The following RGS6 variants were observed in gnomAD, a reference collection of about 807,000 sequenced individuals.
RGS6 encodes the protein regulator of G-protein signaling 6.
RGS6 carries 30 observed loss-of-function variants against 78.5 expected under a neutral mutation model. That is an observed-to-expected ratio of 0.38 (90% confidence interval 0.29 to 0.52). The LOEUF is 0.52. Among genes scored for constraint, RGS6 ranks in the 20% least tolerant of loss-of-function variants. The probability of loss-of-function intolerance (pLI) is 0.85; values close to 1 mark genes in which losing one functional copy is unlikely to be tolerated. For synonymous variants in RGS6, 206 were observed against 206.0 expected (o/e 1.00, Z 0.00); for missense variants, 495 against 609.7 (o/e 0.81, Z 1.98).
intron 3 of RGS6, among the ~76,000 whole-genome samples, chr14:72,397,905 T>G (rs1038372252): frequency 1.3e-5 from 2 of 152,198 alleles, no homozygotes; most frequent in East Asian, 3.8e-4. Flanking sequence ...TGAAGCCCAC[T>G]TGATTATGGT....
At chr14:72,365,405 ACAAAGAT>A (rs2082272962) in intron 3 of RGS6, among the ~76,000 whole-genome samples, 1 of 152,240 alleles carries the variant, frequency 6.6e-6, no homozygotes, top group South Asian at 2.1e-4. Flanking sequence ...CAAGTGATAC[ACAAAGAT>A]CAGAGTTGAA....
intron 2 of RGS6, among the ~76,000 whole-genome samples, chr14:72,026,886 G>C (rs971270616): frequency 6.6e-6 from 1 of 152,204 alleles, no homozygotes; most frequent in African/African-American, 2.4e-5. Flanking sequence ...AGGTTGGGTA[G>C]GGCAGGTGCT....
intron 3 of RGS6, among the ~76,000 whole-genome samples, chr14:72,453,176 G>C (rs2095538330): frequency 6.6e-6 from 1 of 152,160 alleles, no homozygotes. Context: ...GATAAATCAA[G>C]GCTGATTTAA....
intron 2 of RGS6, among the ~76,000 whole-genome samples, chr14:72,217,656 G>A (rs1201077979): frequency 6.6e-6 from 1 of 152,068 alleles, no homozygotes; most frequent in African/African-American, 2.4e-5. Context: ...CTTACCCTGA[G>A]GTAGCAATAC....
chr14:72,338,540 C>T (rs1241231127), intron 2 of RGS6, among the ~76,000 whole-genome samples: 1 of 152,216 alleles, frequency 6.6e-6, no homozygotes, highest in Admixed American at 6.5e-5. Flanking sequence ...GGTGGGGACA[C>T]AGCCAAACCA....
chr14:72,041,520 T>A (rs4902978), intron 2 of RGS6, among the ~76,000 whole-genome samples: 17,725 of 152,246 alleles, frequency 0.12, 1,049 homozygotes, highest in East Asian at 0.17. Context: ...ACTAGTCTCT[T>A]AGGCAGCCCC....
chr14:72,543,029 C>T (rs556256123), intron 17 of RGS6, among the ~76,000 whole-genome samples: 6 of 152,312 alleles, frequency 3.9e-5, no homozygotes, highest in Admixed American at 1.3e-4. Flanking sequence ...TTCCAGGTTA[C>T]TCAGGACTTG....
At chr14:72,523,287 T>C (rs1438842967) in intron 15 of RGS6, among the ~76,000 whole-genome samples, 1 of 152,188 alleles carries the variant, frequency 6.6e-6, no homozygotes, top group Non-Finnish European at 1.5e-5. Flanking sequence ...GCCAAGAGTC[T>C]GGGAGTTCCT....
At chr14:72,207,554 A>G (rs535574948) in intron 2 of RGS6, among the ~76,000 whole-genome samples, 11 of 152,298 alleles carry the variant, frequency 7.2e-5, no homozygotes, top group African/African-American at 2.4e-4. Flanking sequence ...CCTTAGATAG[A>G]TTGCAAGGCC....
chr14:71,986,717 C>A (rs2094725945), intron 2 of RGS6, among the ~76,000 whole-genome samples: 1 of 151,968 alleles, frequency 6.6e-6, no homozygotes, highest in Admixed American at 6.6e-5. Context: ...TCTCAAAAAA[C>A]AAAAAACCAA....
chr14:71,992,022 C>CTT (rs11463702), intron 2 of RGS6, among the ~76,000 whole-genome samples: 4,197 of 140,932 alleles, frequency 0.03, 260 homozygotes, highest in East Asian at 0.21. Context: ...TCTAGAATAT[C>CTT]TTTTTTTTTT....
At chr14:72,149,364 AGT>A (rs2096651504) in intron 2 of RGS6, among the ~76,000 whole-genome samples, 1 of 151,952 alleles carries the variant, frequency 6.6e-6, no homozygotes, top group Non-Finnish European at 1.5e-5. Flanking sequence ...CAATGGGGGG[AGT>A]GTTGAAGAAT....
chr14:72,149,287 C>T (rs1031928739), intron 2 of RGS6, among the ~76,000 whole-genome samples: 4 of 152,160 alleles, frequency 2.6e-5, no homozygotes, highest in Admixed American at 6.5e-5. Flanking sequence ...GCATCACTTC[C>T]ATGGCATTCT....
At chr14:72,113,001 GGGGACCACGGGA>G in intron 2 of RGS6, among the ~76,000 whole-genome samples, 1 of 152,302 alleles carries the variant, frequency 6.6e-6, no homozygotes, top group Middle Eastern at 3.4e-3. Context: ...TGAACTTAGT[GGGGACCACGGGA>G]GGGGCTGTTG....
intron 3 of RGS6, among the ~76,000 whole-genome samples, chr14:72,426,383 A>T (rs1021566428): frequency 8.5e-5 from 13 of 152,352 alleles, no homozygotes; most frequent in African/African-American, 3.1e-4. Flanking sequence ...TCATAGAAAC[A>T]AAAATCTGGA....
intron 3 of RGS6, among the ~76,000 whole-genome samples, chr14:72,380,812 C>T (rs1168478269): frequency 6.6e-6 from 1 of 152,164 alleles, no homozygotes; most frequent in Middle Eastern, 3.4e-3. Flanking sequence ...AGCAATTCCA[C>T]TACTGGACAT....
At position 72,565,356 on chromosome 14, in the gene RGS6, A is replaced by G. The variant is rs1413428531; in HGVS notation, c.*2889A>G. 1.3e-5 allele frequency: 2 copies of G among 152,258 alleles called. No homozygotes were observed. Among genetic ancestry groups the G allele is most frequent in the African/African-American group, 4.8e-5 (2 of 41,458 alleles). The allele number at this position is 152,258 out of a possible 1,614,324, so 9.4% of individuals were successfully genotyped here. A position where few individuals can be genotyped will look rare whatever the true frequency, so the allele number is the denominator to read the frequency against. On this transcript the variant is annotated 3_prime_UTR_variant, in exon 18 of 18. Transcript: ENST00000553525. ...CATCTGACTAAAATAACCTTTCCCTACATGGGAAGAGGAAAGCTTGTAGGC... is the reference window on the plus strand; with the variant it reads ...CATCTGACTAAAATAACCTTTCCCTGCATGGGAAGAGGAAAGCTTGTAGGC...
intron 2 of RGS6, among the ~76,000 whole-genome samples, chr14:72,074,909 C>T (rs1260699806): frequency 2.0e-5 from 3 of 152,192 alleles, no homozygotes; most frequent in African/African-American, 4.8e-5. Flanking sequence ...GTCAATATCC[C>T]TGACTCCAGG....
At chr14:71,937,829 G>A (rs148130692) in intron 1 of RGS6, among the ~76,000 whole-genome samples, 2,089 of 152,348 alleles carry the variant, frequency 0.014, 44 homozygotes, top group African/African-American at 0.045. Context: ...TTTCCATGAT[G>A]GAAGAAGTCC....
Sources: gnomAD v4.1 joint callset for allele counts (sites outside exome capture counted in the v4.1 genomes callset) on GRCh38, gnomAD v4.1.1 for gene constraint, MANE v1.5 for transcripts, NCBI Gene and HGNC (gene_info 2026-07-23, HGNC 2026-07-21) for gene names.